PTPRD: variants seen among roughly 807,000 people sequenced by gnomAD.
The protein encoded by PTPRD is protein tyrosine phosphatase receptor type D.
Under a neutral mutation model 214.5 loss-of-function variants are expected in PTPRD, and 34 were observed. The ratio of observed to expected loss-of-function variants is 0.16; its 90% CI spans 0.12 to 0.21. The LOEUF (loss-of-function observed/expected upper bound fraction) is 0.21. Ranked by LOEUF, PTPRD falls within the 10% of genes least tolerant of loss-of-function variation. PTPRD has a pLI of 1.00. For missense variants in PTPRD, 2,545 were observed against 2,398.7 expected, an observed-to-expected ratio of 1.06 and a Z score of -1.27; for synonymous variants, 1,128 against 845.7, an observed-to-expected ratio of 1.33 and a Z score of -5.79.
chr9:8,740,767 G>C (rs1234905796), intron 11 of PTPRD, among the ~76,000 whole-genome samples: 1 of 152,152 alleles, frequency 6.6e-6, no homozygotes, highest in African/African-American at 2.4e-5. Context: ...ACAAGAGGTA[G>C]TTTAAGAGCT....
intron 8 of PTPRD, among the ~76,000 whole-genome samples, chr9:9,493,821 G>C (rs1234860705): frequency 1.4e-5 from 2 of 141,018 alleles, no homozygotes; most frequent in Admixed American, 1.4e-4. Context: ...GAAAAGAAAA[G>C]AAAAGAAATA....
At chr9:8,933,857 A>G (rs76831132) in intron 11 of PTPRD, among the ~76,000 whole-genome samples, 2 of 152,178 alleles carry the variant, frequency 1.3e-5, no homozygotes, top group Admixed American at 1.3e-4. Flanking sequence ...ATTAATGGTC[A>G]AAAGTTTAAC....
chr9:9,241,466 A>T (rs1048424508), intron 9 of PTPRD, among the ~76,000 whole-genome samples: 1 of 152,134 alleles, frequency 6.6e-6, no homozygotes, highest in Non-Finnish European at 1.5e-5. Context: ...CATATTTTAA[A>T]ATATGACCAG....
chr9:10,492,062 C>G (rs1589366414), intron 2 of PTPRD, among the ~76,000 whole-genome samples: 1 of 152,104 alleles, frequency 6.6e-6, no homozygotes, highest in Non-Finnish European at 1.5e-5. Flanking sequence ...TTTATGGCTG[C>G]ATAGTATTCC....
chr9:9,091,709 A>C (rs1017635154), intron 10 of PTPRD, among the ~76,000 whole-genome samples: 2 of 152,198 alleles, frequency 1.3e-5, no homozygotes, highest in Non-Finnish European at 2.9e-5. Context: ...AAAATTCCCA[A>C]TCACAAGGAA....
At chr9:8,389,470 A>G in intron 36 of PTPRD, 63 bp from the exon 37 acceptor site, 1 of 1,267,834 alleles carries the variant, frequency 7.9e-7, no homozygotes, top group Non-Finnish European at 1.1e-6. Flanking sequence ...AGCCTGGGAC[A>G]TGACCTAATG....
chr9:8,486,841 C>G (rs2097027576), intron 27 of PTPRD, among the ~76,000 whole-genome samples: 1 of 152,132 alleles, frequency 6.6e-6, no homozygotes, highest in Admixed American at 6.5e-5. Flanking sequence ...TTATTATTAT[C>G]TCTATCTTCT....
At chr9:8,545,614 T>A (rs1341689907) in intron 14 of PTPRD, among the ~76,000 whole-genome samples, 1 of 152,206 alleles carries the variant, frequency 6.6e-6, no homozygotes, top group East Asian at 1.9e-4. Context: ...AAAGTCATGC[T>A]CTTTGGTAAA....
intron 10 of PTPRD, among the ~76,000 whole-genome samples, chr9:9,138,924 T>C (rs1409280454): frequency 1.3e-5 from 2 of 152,188 alleles, no homozygotes; most frequent in African/African-American, 4.8e-5. Flanking sequence ...ATAACTACCC[T>C]AGACACTAAG....
chr9:10,408,576 C>T (rs1223249106), intron 2 of PTPRD, among the ~76,000 whole-genome samples: 1 of 151,538 alleles, frequency 6.6e-6, no homozygotes, highest in East Asian at 2.0e-4. Flanking sequence ...TAATGTGGAC[C>T]TCTAGAATTG....
chr9:8,329,914 G>C (rs1838098215), intron 44 of PTPRD, among the ~76,000 whole-genome samples: 1 of 148,562 alleles, frequency 6.7e-6, no homozygotes, highest in African/African-American at 2.5e-5. Flanking sequence ...TACTCGCAGT[G>C]AGATTTTCAA....
chr9:10,239,591 G>T (rs2099640329), intron 3 of PTPRD, among the ~76,000 whole-genome samples: 2 of 138,180 alleles, frequency 1.4e-5, no homozygotes, highest in Admixed American at 1.5e-4. Flanking sequence ...AGTCTAATAG[G>T]GTTGATAACA....
At chr9:8,983,375 T>C (rs1224179012) in intron 11 of PTPRD, among the ~76,000 whole-genome samples, 2 of 152,130 alleles carry the variant, frequency 1.3e-5, no homozygotes, top group East Asian at 3.9e-4. Flanking sequence ...ACTCAATTTA[T>C]AATTTTCCAC....
intron 3 of PTPRD, among the ~76,000 whole-genome samples, chr9:10,230,880 C>T (rs551914876): frequency 2.6e-5 from 4 of 152,058 alleles, no homozygotes; most frequent in South Asian, 2.1e-4. Flanking sequence ...GTGCTTCTAG[C>T]GTTTAAAGTT....
chr9:10,482,796 T>A (rs767290340), intron 2 of PTPRD, among the ~76,000 whole-genome samples: 1 of 152,148 alleles, frequency 6.6e-6, no homozygotes, highest in South Asian at 2.1e-4. Flanking sequence ...AAAATTCTGC[T>A]GAAAGAAATC....
At chr9:9,012,014 T>A (rs921722368) in intron 11 of PTPRD, among the ~76,000 whole-genome samples, 38 of 152,276 alleles carry the variant, frequency 2.5e-4, no homozygotes, top group African/African-American at 8.7e-4. Flanking sequence ...TTGCTATCAG[T>A]CTGGTAATAG....
intron 4 of PTPRD, among the ~76,000 whole-genome samples, chr9:9,999,409 AC>A (rs1304297339): frequency 6.6e-6 from 1 of 152,182 alleles, no homozygotes; most frequent in Non-Finnish European, 1.5e-5. Flanking sequence ...ACCTCACCAG[AC>A]TTTTTATTAT....
At chr9:10,156,764 G>C (rs892113453) in intron 3 of PTPRD, among the ~76,000 whole-genome samples, 2 of 152,168 alleles carry the variant, frequency 1.3e-5, no homozygotes, top group Admixed American at 1.3e-4. Context: ...TTGCATGGGA[G>C]TCTAAGTCTC....
intron 2 of PTPRD, among the ~76,000 whole-genome samples, chr9:10,508,668 C>A (rs1343070375): frequency 1.3e-5 from 2 of 152,028 alleles, no homozygotes; most frequent in Admixed American, 1.3e-4. Flanking sequence ...AGCTAGAAAC[C>A]ATCATTCTCA....
Sources: allele counts gnomAD v4.1 joint callset (sites outside exome capture counted in the v4.1 genomes callset), GRCh38; gene constraint gnomAD v4.1.1; transcripts MANE v1.5; gene names NCBI Gene and HGNC (gene_info 2026-07-23, HGNC 2026-07-21).